GAP43: variants seen among roughly 807,000 people sequenced by gnomAD.
GAP43 encodes the protein neuromodulin.
A neutral mutation model predicts 18.6 loss-of-function variants in GAP43; 6 were observed. That is an observed-to-expected ratio of 0.32 (90% CI 0.18 to 0.64). The LOEUF (loss-of-function observed/expected upper bound fraction) is 0.64, where lower values mean the gene tolerates loss of function less well. Ranked by LOEUF, GAP43 falls within the 30% of genes least tolerant of loss-of-function variation. The pLI is 0.78. For synonymous variants in GAP43, 115 were observed against 111.4 expected, an observed-to-expected ratio of 1.03 and a Z score of -0.20; for missense variants, 292 against 295.5, an observed-to-expected ratio of 0.99 and a Z score of 0.09.
At chr3:115,706,022 C>CT (rs1709358928) in intron 2 of GAP43, among the ~76,000 whole-genome samples, 2 of 152,114 alleles carry the variant, frequency 1.3e-5, no homozygotes, top group African/African-American at 4.8e-5. Flanking sequence ...TCTTCAAAGT[C>CT]TGCTGGGATT....
chr3:115,692,028 G>T (rs1337407238), intron 2 of GAP43, among the ~76,000 whole-genome samples: 1 of 152,164 alleles, frequency 6.6e-6, no homozygotes, highest in Non-Finnish European at 1.5e-5. Context: ...TGGGCTTCAG[G>T]AGGGTTCTTT....
intron 1 of GAP43, among the ~76,000 whole-genome samples, chr3:115,664,666 G>C (rs184770671): frequency 1.3e-5 from 2 of 152,292 alleles, no homozygotes; most frequent in Admixed American, 1.3e-4. Flanking sequence ...AGAATCCAGT[G>C]CCAAAAATGA....
At chr3:115,683,147 G>GCACACACACACACACA (rs869219452) in intron 2 of GAP43, among the ~76,000 whole-genome samples, 5 of 127,396 alleles carry the variant, frequency 3.9e-5, no homozygotes, top group East Asian at 2.4e-4. Flanking sequence ...GCGCGCGCGC[G>GCACACACACACACACA]CACACACACA....
At chr3:115,702,415 A>G (rs995760557) in intron 2 of GAP43, among the ~76,000 whole-genome samples, 2 of 152,112 alleles carry the variant, frequency 1.3e-5, no homozygotes, top group African/African-American at 4.8e-5. Context: ...TAGGGGACAG[A>G]AAGAAAAAAA....
chr3:115,681,699 A>G (rs934340730), intron 2 of GAP43, among the ~76,000 whole-genome samples: 1 of 152,236 alleles, frequency 6.6e-6, no homozygotes, highest in Non-Finnish European at 1.5e-5. Context: ...AATAATAGGT[A>G]GCACTTAATG....
intron 1 of GAP43, among the ~76,000 whole-genome samples, chr3:115,627,461 C>G (rs2107463196): frequency 6.6e-6 from 1 of 151,854 alleles, no homozygotes; most frequent in African/African-American, 2.4e-5. Flanking sequence ...GGGAGAGTGG[C>G]TTGGGGTCTC....
intron 1 of GAP43, chr3:115,663,698 C>T: frequency 5.3e-6 from 8 of 1,499,610 alleles, no homozygotes; most frequent in Non-Finnish European, 7.1e-6. Context: ...GATCTCAAAA[C>T]AGGAAGATAA....
intron 2 of GAP43, among the ~76,000 whole-genome samples, chr3:115,702,637 T>C (rs943761785): frequency 6.6e-6 from 1 of 152,230 alleles, no homozygotes; most frequent in African/African-American, 2.4e-5. Context: ...TAGACTTTTA[T>C]AGGAAGGAGT....
chr3:115,643,712 C>T (rs763009448), intron 1 of GAP43, among the ~76,000 whole-genome samples: 2 of 151,968 alleles, frequency 1.3e-5, no homozygotes, highest in Non-Finnish European at 2.9e-5. Context: ...CACTCCTTAT[C>T]TGTCCCCTTT....
intron 2 of GAP43, among the ~76,000 whole-genome samples, chr3:115,712,183 C>A (rs2918211): frequency 0.55 from 82,864 of 151,926 alleles, 23,286 homozygotes; most frequent in East Asian, 0.73. Flanking sequence ...AAAACACTGT[C>A]TTTTGTTCTA....
At chr3:115,624,967 G>A (rs1285294595) in intron 1 of GAP43, among the ~76,000 whole-genome samples, 3 of 151,856 alleles carry the variant, frequency 2.0e-5, no homozygotes, top group Non-Finnish European at 4.4e-5. Context: ...TTAGGGGTGG[G>A]GTGCAAGAGA....
intron 1 of GAP43, among the ~76,000 whole-genome samples, chr3:115,631,180 C>A (rs1199331231): frequency 6.6e-6 from 1 of 152,152 alleles, no homozygotes; most frequent in Non-Finnish European, 1.5e-5. Context: ...GATTTCCTAT[C>A]CTTAATTATT....
intron 2 of GAP43, among the ~76,000 whole-genome samples, chr3:115,697,309 A>G (rs990255716): frequency 1.3e-5 from 2 of 152,198 alleles, no homozygotes; most frequent in Admixed American, 1.3e-4. Flanking sequence ...ATAAATATCA[A>G]TTCATTCAAT....
At chr3:115,667,035 G>A (rs1708741896) in intron 1 of GAP43, among the ~76,000 whole-genome samples, 1 of 152,136 alleles carries the variant, frequency 6.6e-6, no homozygotes, top group Non-Finnish European at 1.5e-5. Flanking sequence ...AGAACACCCA[G>A]CCAGTGAGCT....
At chr3:115,672,895 C>T in intron 1 of GAP43, among the ~76,000 whole-genome samples, 1 of 152,116 alleles carries the variant, frequency 6.6e-6, no homozygotes, top group East Asian at 1.9e-4. Context: ...ATGATGAAGT[C>T]CAGCAGTTTC....
intron 2 of GAP43, among the ~76,000 whole-genome samples, chr3:115,700,698 T>A (rs1382828835): frequency 1.1e-4 from 16 of 152,170 alleles, no homozygotes; most frequent in Admixed American, 1.0e-3. Flanking sequence ...TTCTATGCCA[T>A]CTTTACCCCA....
At chr3:115,678,426 C>A (rs1190892017) in intron 2 of GAP43, among the ~76,000 whole-genome samples, 3 of 151,852 alleles carry the variant, frequency 2.0e-5, no homozygotes, top group African/African-American at 7.3e-5. Flanking sequence ...AGTAGGAAGT[C>A]TAATATATAA....
chr3:115,698,238 A>T (rs1185668042), intron 2 of GAP43, among the ~76,000 whole-genome samples: 1 of 24,028 alleles, frequency 4.2e-5, no homozygotes, highest in African/African-American at 1.2e-4. Flanking sequence ...ATATATATAA[A>T]ATATATATAA....
At chr3:115,667,791 T>G (rs1708752948) in intron 1 of GAP43, among the ~76,000 whole-genome samples, 1 of 152,188 alleles carries the variant, frequency 6.6e-6, no homozygotes, top group African/African-American at 2.4e-5. Context: ...TTCTTCTGTC[T>G]TCAGTTGCTA....
Sources: allele counts gnomAD v4.1 joint callset (sites outside exome capture counted in the v4.1 genomes callset), GRCh38; gene constraint gnomAD v4.1.1; transcripts MANE v1.5; gene names NCBI Gene and HGNC (gene_info 2026-07-23, HGNC 2026-07-21).